The following SEC24D variants were observed in gnomAD, a reference collection of about 807,000 sequenced individuals.
The protein encoded by SEC24D is protein transport protein Sec24D.
A neutral mutation model predicts 116.9 loss-of-function variants in SEC24D; 69 were observed. That is an observed-to-expected ratio of 0.59 (90% CI 0.49 to 0.72). The LOEUF (loss-of-function observed/expected upper bound fraction) is 0.72, where lower values mean the gene tolerates loss of function less well. SEC24D is among the 30% of genes least tolerant of loss of function. SEC24D has a pLI of 0.00. For synonymous variants in SEC24D, 405 were observed against 442.8 expected, an observed-to-expected ratio of 0.91 and a Z score of 1.07; for missense variants, 1,131 against 1,264.1, an observed-to-expected ratio of 0.89 and a Z score of 1.60.
Position 118,741,045 on chromosome 4 carries a change from A to C in SEC24D, c.1996-8T>G. On this transcript the variant is annotated splice_region_variant and splice_polypyrimidine_tract_variant and intron_variant, in intron 15 of 22. Transcript: ENST00000280551. ...TTGTCTATCCAAGTGCATCTAAAAA[A>C]TAAAAGTCTAATCAATGTCCACCAG... 6.7e-7 allele frequency: 1 copy of C among 1,498,022 alleles called. No homozygotes were observed. The highest frequency in any genetic ancestry group is 9.1e-7 in the Non-Finnish European group (1 of 1,096,586). The allele number at this position is 1,498,022 out of a possible 1,614,324, so 92.8% of individuals were successfully genotyped here.
At chr4:118,831,029 T>C (rs1730829031) in intron 2 of SEC24D, among the ~76,000 whole-genome samples, 1 of 152,144 alleles carries the variant, frequency 6.6e-6, no homozygotes, top group East Asian at 1.9e-4. Context: ...GAGGTTTTTT[T>C]GCTTGTTTGT....
intron 8 of SEC24D, among the ~76,000 whole-genome samples, chr4:118,772,717 G>A (rs1371830536): frequency 6.6e-6 from 1 of 152,118 alleles, no homozygotes; most frequent in Non-Finnish European, 1.5e-5. Context: ...CCATCGTGGT[G>A]CAAAATAACA....
intron 22 of SEC24D, among the ~76,000 whole-genome samples, chr4:118,727,380 T>A (rs998148175): frequency 1.3e-5 from 2 of 152,138 alleles, no homozygotes; most frequent in African/African-American, 4.8e-5. Flanking sequence ...GACATAACTT[T>A]GATAAGTGGT....
chr4:118,763,383 G>C (rs1205427640), intron 10 of SEC24D, among the ~76,000 whole-genome samples: 1 of 140,690 alleles, frequency 7.1e-6, no homozygotes, highest in Non-Finnish European at 1.6e-5. Flanking sequence ...AAAAATTCTA[G>C]TTAGGAAAAA....
chr4:118,809,842 A>T (rs1024798044), intron 6 of SEC24D, among the ~76,000 whole-genome samples: 1 of 152,208 alleles, frequency 6.6e-6, no homozygotes, highest in Admixed American at 6.5e-5. Context: ...TGCTGTGGAT[A>T]TGGAGTGGTA....
chr4:118,824,035 A>G (rs902514439), intron 3 of SEC24D, among the ~76,000 whole-genome samples: 3 of 152,268 alleles, frequency 2.0e-5, no homozygotes, highest in African/African-American at 7.2e-5. Flanking sequence ...TAAAATTGAT[A>G]TAAAATTCTA....
intron 10 of SEC24D, chr4:118,760,619 A>G (rs973105317): frequency 2.0e-5 from 3 of 152,200 alleles, no homozygotes; most frequent in African/African-American, 7.2e-5. Context: ...TGCTATGAAC[A>G]AGGATATGCA....
intron 8 of SEC24D, among the ~76,000 whole-genome samples, chr4:118,790,144 G>A (rs1728834482): frequency 1.3e-5 from 2 of 152,254 alleles, no homozygotes; most frequent in Middle Eastern, 3.4e-3. Flanking sequence ...GGATTAAAAC[G>A]CAACTGAAAT....
chr4:118,820,937 C>T (rs1730375527), intron 3 of SEC24D, among the ~76,000 whole-genome samples: 1 of 152,104 alleles, frequency 6.6e-6, no homozygotes, highest in South Asian at 2.1e-4. Flanking sequence ...CAATTTAATC[C>T]TAATCCTCTG....
In SEC24D at chr4:118,773,482, G is replaced by A. The variant is rs115555753; in HGVS notation, c.1042-5171C>T. 1.8e-3 allele frequency among the ~76,000 whole-genome samples: 274 copies of A among 152,052 alleles called. 1 individual carries two copies. The highest frequency in any genetic ancestry group is 6.4e-3 in the African/African-American group (264 of 41,538). On this transcript the variant is annotated intron_variant, in intron 8 of 22. Transcript: ENST00000280551. ...TATTGTCAATGTAACTTTGGCAAGC[G>A]GCTACTTCTTGGAATTGGAGTGCTG...
At chr4:118,762,013 C>T (rs2110467407) in intron 10 of SEC24D, among the ~76,000 whole-genome samples, 1 of 151,884 alleles carries the variant, frequency 6.6e-6, no homozygotes, top group South Asian at 2.1e-4. Context: ...TTATGCCTTA[C>T]AGCACACAGA....
chr4:118,772,108 C>T (rs1032763291), intron 8 of SEC24D, among the ~76,000 whole-genome samples: 1 of 152,086 alleles, frequency 6.6e-6, no homozygotes, highest in Admixed American at 6.6e-5. Context: ...AGTTTGTAGG[C>T]TGTGTGTATT....
intron 8 of SEC24D, among the ~76,000 whole-genome samples, chr4:118,776,768 T>C (rs1406812401): frequency 1.3e-5 from 2 of 152,166 alleles, no homozygotes; most frequent in African/African-American, 4.8e-5. Flanking sequence ...AAATAATATG[T>C]TGTCTAGTTA....
chr4:118,812,008 T>C (rs544006989), intron 6 of SEC24D, among the ~76,000 whole-genome samples: 1 of 152,254 alleles, frequency 6.6e-6, no homozygotes, highest in African/African-American at 2.4e-5. Flanking sequence ...GGGACTTGCT[T>C]TGGCCAAGAA....
chr4:118,783,208 C>T (rs28613587), intron 8 of SEC24D, among the ~76,000 whole-genome samples: 2,077 of 152,308 alleles, frequency 0.014, 45 homozygotes, highest in African/African-American at 0.047. Flanking sequence ...GAGCTGCAGA[C>T]GGGAGCTGTT....
chr4:118,805,777 G>A, intron 7 of SEC24D, 66 bp downstream of exon 7: 1 of 874,010 alleles, frequency 1.1e-6, no homozygotes, highest in Non-Finnish European at 1.8e-6. Flanking sequence ...GGGTGTCAGT[G>A]TATTTGCTTT....
chr4:118,816,649 C>A lies in SEC24D; in HGVS notation c.397+615G>T, dbSNP rs146409159. Reference sequence around the variant, plus strand: ...AGAAAATAGAGGGGTTTTAATGATACTTCAGAAAACTAATTTTAAGTAACA... The same window carrying A: ...AGAAAATAGAGGGGTTTTAATGATAATTCAGAAAACTAATTTTAAGTAACA... On this transcript the variant is annotated intron_variant, in intron 4 of 22. Coordinates refer to ENST00000280551, the MANE Select transcript of SEC24D (RefSeq NM_014822.4). 1.4e-3 allele frequency: 395 copies of A among 285,722 alleles called. 4 individuals are homozygous for A. The highest frequency in any genetic ancestry group is 8.7e-3 in the African/African-American group (380 of 43,890). 17.7% of individuals were successfully genotyped at this position (285,722 alleles called of 1,614,324 possible). A position where few individuals can be genotyped will look rare whatever the true frequency, so the allele number is the denominator to read the frequency against.
chr4:118,805,750 T>C (rs1387042545), intron 7 of SEC24D, 93 bp downstream of exon 7: 5 of 674,630 alleles, frequency 7.4e-6, no homozygotes, highest in South Asian at 2.2e-5. Flanking sequence ...TTTTCCATTA[T>C]TAAGAGCATT....
rs1726440856 is a variant in SEC24D at position 118,745,061 on chromosome 4, CT to C, written c.1708-2del. On this transcript the variant is annotated splice_acceptor_variant, in intron 13 of 22. Coordinates refer to ENST00000280551, the MANE Select transcript of SEC24D (RefSeq NM_014822.4). LOFTEE classifies it high-confidence loss of function. The stretch of plus-strand genomic sequence containing the variant: ...ACAGCTTCCCAGGACAGTCTGCTGC[CT>C]AAAAAAAAAAAAAAACCCAAAAACC... 2.1e-6 allele frequency: 3 copies of C among 1,423,444 alleles called. No homozygotes were observed. The highest frequency in any genetic ancestry group is 1.9e-6 in the Non-Finnish European group (2 of 1,047,582). 88.2% of individuals were successfully genotyped at this position (1,423,444 alleles called of 1,614,324 possible). A position where few individuals can be genotyped will look rare whatever the true frequency, so the allele number is the denominator to read the frequency against.
Sources: gnomAD v4.1 joint callset for allele counts (sites outside exome capture counted in the v4.1 genomes callset) on GRCh38, gnomAD v4.1.1 for gene constraint, MANE v1.5 for transcripts, NCBI Gene and HGNC (gene_info 2026-07-23, HGNC 2026-07-21) for gene names.